SUMF1: variants seen among roughly 807,000 people sequenced by gnomAD.
The protein encoded by SUMF1 is sulfatase modifying factor 1.
In SUMF1, 48 loss-of-function variants were observed where a neutral mutation model predicts 47.6. That is an observed-to-expected ratio of 1.01 (90% confidence interval 0.80 to 1.28). SUMF1 has a LOEUF of 1.28. Among genes scored for constraint, SUMF1 ranks in the 50% most tolerant of loss-of-function variants. The pLI, the probability that SUMF1 is intolerant of heterozygous loss-of-function variation, is 0.00. For missense variants in SUMF1, 571 were observed against 485.4 expected (o/e 1.18, Z -1.66); for synonymous variants, 230 against 192.1 (o/e 1.20, Z -1.63).
At chr3:4,327,238 A>T (rs1698964561) in intron 8 of SUMF1, among the ~76,000 whole-genome samples, 1 of 152,174 alleles carries the variant, frequency 6.6e-6, no homozygotes, top group African/African-American at 2.4e-5. Flanking sequence ...AACTCATTCC[A>T]TTTGATTGGG....
intron 8 of SUMF1, among the ~76,000 whole-genome samples, chr3:4,336,247 A>T (rs1320068509): frequency 6.6e-6 from 1 of 152,024 alleles, no homozygotes; most frequent in Non-Finnish European, 1.5e-5. Context: ...GCAAGCAAAA[A>T]GGGGAAAAAA....
intron 8 of SUMF1, among the ~76,000 whole-genome samples, chr3:4,351,891 G>T (rs921507096): frequency 3.3e-5 from 5 of 152,144 alleles, no homozygotes; most frequent in African/African-American, 1.2e-4. Flanking sequence ...TGCCTTGATT[G>T]TACCTTTTCT....
intron 7 of SUMF1, among the ~76,000 whole-genome samples, chr3:4,398,036 A>C (rs530357085): frequency 6.6e-6 from 1 of 152,150 alleles, no homozygotes; most frequent in Non-Finnish European, 1.5e-5. Flanking sequence ...TGAAAGGTTA[A>C]CTAACTTGCT....
chr3:4,289,041 T>C (rs1177848230), intron 8 of SUMF1, among the ~76,000 whole-genome samples: 1 of 152,222 alleles, frequency 6.6e-6, no homozygotes, highest in Non-Finnish European at 1.5e-5. Context: ...GTACATAGCA[T>C]AATTTGCTCC....
intron 3 of SUMF1, among the ~76,000 whole-genome samples, chr3:4,446,445 A>C (rs1042208377): frequency 6.6e-6 from 1 of 152,238 alleles, no homozygotes; most frequent in Non-Finnish European, 1.5e-5. Context: ...TGAGTCCATT[A>C]AACCTCTTTT....
At chr3:4,039,858 A>C (rs1432863060) in intron 9 of SUMF1, among the ~76,000 whole-genome samples, 1 of 151,894 alleles carries the variant, frequency 6.6e-6, no homozygotes, top group East Asian at 1.9e-4. Flanking sequence ...TAGTTTCTAC[A>C]AAAAAAATTT....
At chr3:4,233,788 T>C (rs73133360) in intron 8 of SUMF1, among the ~76,000 whole-genome samples, 6,240 of 152,132 alleles carry the variant, frequency 0.041, 387 homozygotes, top group African/African-American at 0.14. Context: ...CAATACTAAA[T>C]AAGCTTCAGA....
intron 8 of SUMF1, among the ~76,000 whole-genome samples, chr3:4,151,824 T>G (rs1694343174): frequency 6.6e-6 from 1 of 151,424 alleles, no homozygotes; most frequent in South Asian, 2.1e-4. Context: ...TTAGACAAGC[T>G]TGATATAGAG....
chr3:4,276,069 T>C (rs1697409188), intron 8 of SUMF1, among the ~76,000 whole-genome samples: 2 of 152,022 alleles, frequency 1.3e-5, no homozygotes, highest in Admixed American at 1.3e-4. Flanking sequence ...AGTTCATGAG[T>C]TCAAGCACAA....
Position 4,129,925 on chromosome 3 carries a change from G to A in SUMF1, c.1015-61180C>T, listed in dbSNP as rs374718003. On this transcript the variant is annotated intron_variant and NMD_transcript_variant, in intron 8 of 12. Transcript: ENST00000448413. ...ATTGGCACAAACATACTTAGCAGTT[G>A]GCAGAACCCCCACATTGGCTCCCTG... 9.2e-5 allele frequency among the ~76,000 whole-genome samples: 14 copies of A among 152,214 alleles called. 1 individual carries two copies. Among genetic ancestry groups the A allele is most frequent in the African/African-American group, 3.4e-4 (14 of 41,536 alleles).
intron 8 of SUMF1, among the ~76,000 whole-genome samples, chr3:4,129,261 G>A (rs1318736429): frequency 2.6e-5 from 4 of 152,114 alleles, no homozygotes; most frequent in Admixed American, 2.6e-4. Context: ...GGGCCAAATG[G>A]TAGCACTCAA....
intron 1 of SUMF1, among the ~76,000 whole-genome samples, chr3:4,464,513 A>T (rs1328809045): frequency 6.6e-6 from 1 of 152,150 alleles, no homozygotes; most frequent in Non-Finnish European, 1.5e-5. Flanking sequence ...AGCACATAGG[A>T]TGAATCTTAC....
intron 9 of SUMF1, among the ~76,000 whole-genome samples, chr3:4,061,821 T>G (rs1448484011): frequency 2.6e-5 from 4 of 152,070 alleles, no homozygotes; most frequent in Admixed American, 2.6e-4. Context: ...TGTTTACACA[T>G]CTAGTTAGGT....
intron 8 of SUMF1, chr3:4,303,512 C>A: frequency 7.0e-7 from 1 of 1,438,394 alleles, no homozygotes; most frequent in South Asian, 1.5e-5. Context: ...GGGGGCCGCG[C>A]CGGCGCCCTT....
chr3:4,452,460 C>A (rs977854656), intron 2 of SUMF1, among the ~76,000 whole-genome samples: 1 of 152,210 alleles, frequency 6.6e-6, no homozygotes, highest in Non-Finnish European at 1.5e-5. Context: ...TGGAAAAAAA[C>A]AAACTGCAAC....
intron 9 of SUMF1, among the ~76,000 whole-genome samples, chr3:4,049,887 A>G (rs554328166): frequency 6.6e-5 from 10 of 152,176 alleles, no homozygotes; most frequent in Admixed American, 2.0e-4. Context: ...ATTGCTCTCA[A>G]TGAGACGAAT....
Position 4,417,235 on chromosome 3 carries a change from G to A in SUMF1, c.733C>T (p.Pro245Ser). The A allele has an allele frequency of 1.2e-6, 2 of 1,613,850 alleles. No individual in the cohort carries two copies. The highest frequency in any genetic ancestry group is 4.5e-5 in the East Asian group (2 of 44,858). ...CRGGLHNRLF[P>S]WGNKLQPKGQ... Reference sequence around the variant, plus strand: ...TTGGGCTGCAGTTTGTTGCCCCAGGGGAAAAGTCTGTCAGAAGAGACACAG... The same window carrying A: ...TTGGGCTGCAGTTTGTTGCCCCAGGAGAAAAGTCTGTCAGAAGAGACACAG... The change falls in exon 6 of 9, where the codon CCC (proline) becomes TCC (serine). Residue 245 changes from proline (P) to serine (S), a missense_variant. Coordinates refer to ENST00000272902, the MANE Select transcript of SUMF1 (RefSeq NM_182760.4).
chr3:4,252,799 T>C (rs1467389479), intron 8 of SUMF1, among the ~76,000 whole-genome samples: 2 of 151,766 alleles, frequency 1.3e-5, no homozygotes, highest in African/African-American at 4.8e-5. Flanking sequence ...AAACTGCAAA[T>C]GGTCTGACTC....
intron 8 of SUMF1, among the ~76,000 whole-genome samples, chr3:4,280,583 C>A (rs976608805): frequency 4.6e-5 from 7 of 152,030 alleles, no homozygotes; most frequent in Admixed American, 6.6e-5. Flanking sequence ...AAAAGGTTTG[C>A]GTATCAGTTT....
Sources: allele counts gnomAD v4.1 joint callset (sites outside exome capture counted in the v4.1 genomes callset), GRCh38; gene constraint gnomAD v4.1.1; transcripts MANE v1.5; gene names NCBI Gene and HGNC (gene_info 2026-07-23, HGNC 2026-07-21).